The following NAA16 variants were observed in gnomAD, a reference collection of about 807,000 sequenced individuals.
The protein encoded by NAA16 is NARG1-like protein.
In NAA16, 97 loss-of-function variants were observed where a neutral mutation model predicts 110.3. The ratio of observed to expected loss-of-function variants is 0.88; its 90% CI spans 0.75 to 1.04. The LOEUF is 1.04. NAA16 is among the 50% of genes least tolerant of loss of function. The probability of loss-of-function intolerance (pLI) is 0.00; values close to 1 mark genes in which losing one functional copy is unlikely to be tolerated. For missense variants in NAA16, 1,017 were observed against 1,005.1 expected, an observed-to-expected ratio of 1.01 and a Z score of -0.16; for synonymous variants, 372 against 330.6, an observed-to-expected ratio of 1.13 and a Z score of -1.36.
intron 9 of NAA16, among the ~76,000 whole-genome samples, chr13:41,345,957 C>T (rs943290311): frequency 3.9e-5 from 6 of 152,250 alleles, no homozygotes; most frequent in Admixed American, 2.0e-4. Flanking sequence ...TACGGGTTGT[C>T]TTTTCATTTT....
chr13:41,312,634 TGTTA>T (rs758151212), intron 1 of NAA16, among the ~76,000 whole-genome samples: 4 of 152,232 alleles, frequency 2.6e-5, no homozygotes, highest in Non-Finnish European at 5.9e-5. Flanking sequence ...GCTATATGGC[TGTTA>T]GTTGTTGCTT....
intron 9 of NAA16, among the ~76,000 whole-genome samples, chr13:41,347,214 CAAA>C (rs76747459): frequency 0.3 from 16,563 of 55,222 alleles, 1,419 homozygotes; most frequent in East Asian, 0.45. Context: ...GACTCCGTCT[CAAA>C]AAAAAAAAAA....
intron 15 of NAA16, among the ~76,000 whole-genome samples, chr13:41,370,704 G>C (rs536320973): frequency 6.6e-6 from 1 of 152,210 alleles, no homozygotes; most frequent in East Asian, 1.9e-4. Flanking sequence ...TGGCCATCCG[G>C]AACCTCATGA....
chr13:41,357,411 A>G (rs1052670002), intron 10 of NAA16, among the ~76,000 whole-genome samples: 2 of 152,246 alleles, frequency 1.3e-5, no homozygotes, highest in Non-Finnish European at 2.9e-5. Flanking sequence ...TTTTTCTTAT[A>G]AAGAACTTTC....
chr13:41,359,900 A>G (rs971645062), intron 12 of NAA16, among the ~76,000 whole-genome samples: 2 of 152,228 alleles, frequency 1.3e-5, no homozygotes, highest in African/African-American at 4.8e-5. Flanking sequence ...AGGATAAAGA[A>G]GCATTCTTTA....
intron 15 of NAA16, among the ~76,000 whole-genome samples, chr13:41,371,278 A>G (rs953995622): frequency 6.6e-6 from 1 of 152,216 alleles, no homozygotes. Context: ...ATTATTCAAG[A>G]CTGTTTTTTG....
At chr13:41,373,589 C>A in intron 17 of NAA16, 48 bp from the exon 18 acceptor site, 3 of 1,461,064 alleles carry the variant, frequency 2.1e-6, no homozygotes, top group South Asian at 1.4e-5. Context: ...TTTTTTTTTT[C>A]AAAGGACAGA....
At chr13:41,349,680 C>T (rs1028198779) in intron 9 of NAA16, among the ~76,000 whole-genome samples, 38 of 152,026 alleles carry the variant, frequency 2.5e-4, no homozygotes, top group African/African-American at 9.2e-4. Context: ...AAATGTCATA[C>T]GTGGCCGGGT....
intron 1 of NAA16, 72 bp from the exon 2 acceptor site, chr13:41,316,774 T>G: frequency 2.1e-6 from 2 of 971,446 alleles, no homozygotes; most frequent in Non-Finnish European, 3.3e-6. Flanking sequence ...GTTTAGAATA[T>G]ATGATGCTGT....
chr13:41,320,139 A>G (rs1195423770), intron 3 of NAA16, among the ~76,000 whole-genome samples: 1 of 152,226 alleles, frequency 6.6e-6, no homozygotes, highest in Non-Finnish European at 1.5e-5. Context: ...ACTTTAATTT[A>G]TAAGAAATAC....
chr13:41,316,305 A>ATTT (rs993030515), intron 1 of NAA16, among the ~76,000 whole-genome samples: 4 of 103,900 alleles, frequency 3.8e-5, no homozygotes, highest in East Asian at 2.5e-4. Flanking sequence ...AATTTTTGTA[A>ATTT]TTTTTTTTTT....
chr13:41,352,597 G>T (rs2042865742), intron 9 of NAA16, among the ~76,000 whole-genome samples: 1 of 152,188 alleles, frequency 6.6e-6, no homozygotes, highest in Non-Finnish European at 1.5e-5. Context: ...AGAGGTTGCA[G>T]TGAGCTGAGA....
intron 8 of NAA16, among the ~76,000 whole-genome samples, chr13:41,335,868 T>C (rs1450295266): frequency 6.6e-6 from 1 of 152,104 alleles, no homozygotes; most frequent in Non-Finnish European, 1.5e-5. Context: ...TGTTTTTTTT[T>C]TTTTCCCCCA....
At chr13:41,353,048 G>T (rs1254646421) in intron 9 of NAA16, among the ~76,000 whole-genome samples, 1 of 152,096 alleles carries the variant, frequency 6.6e-6, no homozygotes, top group Non-Finnish European at 1.5e-5. Flanking sequence ...CCCAAGAGGC[G>T]GAGGTTGCGG....
chr13:41,373,608 A>G, intron 17 of NAA16, 29 bp from the exon 18 acceptor site: 1 of 1,550,296 alleles, frequency 6.5e-7, no homozygotes, highest in African/African-American at 1.4e-5. Context: ...GATCAAAAAC[A>G]AAAAATCCAA....
At position 41,373,753 on chromosome 13, in the gene NAA16, G is replaced by A. The variant is rs774638885; in HGVS notation, c.2272G>A (p.Ala758Thr). Reference sequence around the variant, plus strand: ...TAATGAGGATTTTCTGAAACGTAACGCTACCTCTCTTCAGCATCTACTTTC... The same window carrying A: ...TAATGAGGATTTTCTGAAACGTAACACTACCTCTCTTCAGCATCTACTTTC... The part of the protein sequence containing the change: ...SFNEDFLKRN[A>T]TSLQHLLSGA... The change falls in exon 18 of 20, where the codon GCT becomes ACT. Residue 758 changes from alanine to threonine, a missense_variant. By Grantham distance (58) the Ala-to-Thr change is moderately conservative. Transcript: ENST00000379406. The A allele has an allele frequency of 9.3e-6, 15 of 1,607,842 alleles. No individual in the cohort carries two copies. The highest frequency in any genetic ancestry group is 6.7e-5 in the East Asian group (3 of 44,776).
intron 1 of NAA16, among the ~76,000 whole-genome samples, chr13:41,315,385 C>A (rs1287701199): frequency 6.6e-6 from 1 of 152,158 alleles, no homozygotes; most frequent in Non-Finnish European, 1.5e-5. Flanking sequence ...GCATCAGTGG[C>A]TGCCAGGGAG....
At chr13:41,312,709 A>G (rs748452106) in intron 1 of NAA16, among the ~76,000 whole-genome samples, 4 of 152,224 alleles carry the variant, frequency 2.6e-5, no homozygotes, top group South Asian at 2.1e-4. Context: ...AGCGGCAGAT[A>G]ATTCATAGTA....
intron 8 of NAA16, among the ~76,000 whole-genome samples, chr13:41,333,602 G>T (rs905496790): frequency 6.6e-6 from 1 of 152,018 alleles, no homozygotes; most frequent in Non-Finnish European, 1.5e-5. Flanking sequence ...TATTGTGTGT[G>T]GGGGGGATAT....
Sources: allele counts gnomAD v4.1 joint callset (sites outside exome capture counted in the v4.1 genomes callset), GRCh38; gene constraint gnomAD v4.1.1; transcripts MANE v1.5; gene names NCBI Gene and HGNC (gene_info 2026-07-23, HGNC 2026-07-21).